The following LRBA variants were observed in gnomAD, a reference collection of about 807,000 sequenced individuals.
The protein encoded by LRBA is lipopolysaccharide-responsive and beige-like anchor protein.
A neutral mutation model predicts 330.0 loss-of-function variants in LRBA; 176 were observed. The observed-to-expected ratio is 0.53, with a 90% CI of 0.47 to 0.60. LRBA has a LOEUF of 0.60. Ranked by LOEUF, LRBA falls within the 20% of genes least tolerant of loss-of-function variation. The pLI, the probability that LRBA is intolerant of heterozygous loss-of-function variation, is 0.00. For synonymous variants in LRBA, 1,230 were observed against 1,193.0 expected (o/e 1.03, Z -0.64); for missense variants, 3,259 against 3,444.8 (o/e 0.95, Z 1.35).
At chr4:150,441,131 A>T (rs1751778980) in intron 44 of LRBA, among the ~76,000 whole-genome samples, 1 of 151,952 alleles carries the variant, frequency 6.6e-6, no homozygotes, top group African/African-American at 2.4e-5. Context: ...AATAATTATT[A>T]TTTTTTTCAG....
intron 2 of LRBA, among the ~76,000 whole-genome samples, chr4:150,936,288 A>G (rs1487996398): frequency 6.6e-6 from 1 of 152,084 alleles, no homozygotes; most frequent in African/African-American, 2.4e-5. Flanking sequence ...GCCAATGATT[A>G]AGAAAAATTA....
intron 48 of LRBA, among the ~76,000 whole-genome samples, chr4:150,335,424 T>C (rs1463821398): frequency 6.7e-6 from 1 of 149,118 alleles, no homozygotes; most frequent in Non-Finnish European, 1.5e-5. Context: ...TATACACACA[T>C]ATATACATAT....
intron 48 of LRBA, among the ~76,000 whole-genome samples, chr4:150,340,200 G>A (rs971693324): frequency 7.9e-5 from 12 of 152,030 alleles, no homozygotes; most frequent in Admixed American, 3.3e-4. Context: ...ACCCAGTCTC[G>A]GGTATGTCCT....
rs958145266 is a variant in LRBA, at chr4:150,544,191, G to A, written c.6330+43857C>T. On this transcript the variant is annotated intron_variant, in intron 40 of 56. Transcript: ENST00000651943. Reference sequence around the variant, plus strand: ...TGCCCAGACTGGAGTGCAGTGGTACGATCTCGGCTCACTGCAACCTCCTCC... The same window carrying A: ...TGCCCAGACTGGAGTGCAGTGGTACAATCTCGGCTCACTGCAACCTCCTCC... 1.3e-4 allele frequency among the ~76,000 whole-genome samples: 19 copies of A among 150,426 alleles called. 1 individual carries two copies. The highest frequency in any genetic ancestry group is 1.7e-4 in the African/African-American group (7 of 40,760).
At chr4:150,306,568 T>C (rs910014722) in intron 52 of LRBA, among the ~76,000 whole-genome samples, 1 of 152,192 alleles carries the variant, frequency 6.6e-6, no homozygotes, top group Non-Finnish European at 1.5e-5. Flanking sequence ...ATATTTTTAT[T>C]TCACAAGCTA....
At chr4:150,450,937 T>C (rs1267416157) in intron 44 of LRBA, among the ~76,000 whole-genome samples, 2 of 151,996 alleles carry the variant, frequency 1.3e-5, no homozygotes, top group Non-Finnish European at 2.9e-5. Flanking sequence ...AGGCGAGGCA[T>C]GAGAATTGCT....
chr4:150,697,032 AG>A (rs1024537826), intron 36 of LRBA, among the ~76,000 whole-genome samples: 8 of 150,440 alleles, frequency 5.3e-5, no homozygotes, highest in African/African-American at 2.0e-4. Flanking sequence ...AAAAGAAAAA[AG>A]AAAAAAAAAA....
At chr4:150,552,755 C>T (rs1235997404) in intron 40 of LRBA, among the ~76,000 whole-genome samples, 1 of 152,184 alleles carries the variant, frequency 6.6e-6, no homozygotes, top group East Asian at 1.9e-4. Flanking sequence ...CCCAAATGTC[C>T]ATCAATGATA....
intron 4 of LRBA, among the ~76,000 whole-genome samples, chr4:150,926,293 G>A (rs1019936945): frequency 2.0e-5 from 3 of 152,090 alleles, no homozygotes; most frequent in Non-Finnish European, 4.4e-5. Flanking sequence ...TAGACACTTC[G>A]GAGAGACCAC....
intron 37 of LRBA, among the ~76,000 whole-genome samples, chr4:150,601,501 A>G (rs1016134779): frequency 6.6e-6 from 1 of 152,136 alleles, no homozygotes; most frequent in Non-Finnish European, 1.5e-5. Flanking sequence ...GGAGGAAATA[A>G]AACGATAATA....
chr4:150,759,524 T>C (rs1202417102), intron 35 of LRBA, among the ~76,000 whole-genome samples: 2 of 152,146 alleles, frequency 1.3e-5, no homozygotes, highest in Non-Finnish European at 2.9e-5. Flanking sequence ...GCTCCAATGT[T>C]ACTTTCTCAA....
At chr4:150,421,242 A>G (rs2151964236) in intron 46 of LRBA, among the ~76,000 whole-genome samples, 1 of 133,706 alleles carries the variant, frequency 7.5e-6, no homozygotes, top group East Asian at 2.2e-4. Flanking sequence ...ATATAAATAT[A>G]TACATATATC....
intron 38 of LRBA, among the ~76,000 whole-genome samples, chr4:150,598,152 AATACCC>A (rs1214806532): frequency 1.3e-5 from 2 of 152,148 alleles, no homozygotes; most frequent in Non-Finnish European, 2.9e-5. Context: ...ATGTTAAAAC[AATACCC>A]TGAAAAAGGA....
At chr4:150,990,197 T>C (rs1325466572) in intron 2 of LRBA, among the ~76,000 whole-genome samples, 8 of 152,214 alleles carry the variant, frequency 5.3e-5, no homozygotes, top group Non-Finnish European at 1.2e-4. Flanking sequence ...TGTGTGTGTG[T>C]ATATATTTAC....
intron 2 of LRBA, among the ~76,000 whole-genome samples, chr4:150,992,136 C>T (rs1314588547): frequency 6.6e-6 from 1 of 151,904 alleles, no homozygotes; most frequent in Non-Finnish European, 1.5e-5. Context: ...GCCAACATGG[C>T]GAAACCCAGT....
intron 34 of LRBA, among the ~76,000 whole-genome samples, chr4:150,768,564 A>T (rs1654360406): frequency 6.6e-6 from 1 of 152,214 alleles, no homozygotes; most frequent in Non-Finnish European, 1.5e-5. Flanking sequence ...ATTGTGAGTG[A>T]TATTTGAAAA....
intron 4 of LRBA, among the ~76,000 whole-genome samples, chr4:150,923,625 C>A (rs1733572550): frequency 6.6e-6 from 1 of 152,136 alleles, no homozygotes; most frequent in South Asian, 2.1e-4. Context: ...CCTTGGTCCA[C>A]AAGTCTCTAA....
At chr4:150,657,685 G>A (rs1043371554) in intron 37 of LRBA, among the ~76,000 whole-genome samples, 1 of 151,876 alleles carries the variant, frequency 6.6e-6, no homozygotes, top group Non-Finnish European at 1.5e-5. Context: ...ATATAATAGA[G>A]TAGAACAAAG....
chr4:150,282,318 T>G (rs1580888840), intron 55 of LRBA, 132 bp downstream of exon 55: 1 of 750,184 alleles, frequency 1.3e-6, no homozygotes, highest in East Asian at 2.5e-5. Flanking sequence ...TACCTAAAGA[T>G]TTTTTGTTGG....
Sources: allele counts gnomAD v4.1 joint callset (sites outside exome capture counted in the v4.1 genomes callset), GRCh38; gene constraint gnomAD v4.1.1; transcripts MANE v1.5; gene names NCBI Gene and HGNC (gene_info 2026-07-23, HGNC 2026-07-21).